Variants in STXBP5L observed in about 807,000 individuals in gnomAD.
STXBP5L encodes the protein syntaxin binding protein 5L.
In STXBP5L, 65 loss-of-function variants were observed where a neutral mutation model predicts 144.5. That is an observed-to-expected ratio of 0.45 (90% CI 0.37 to 0.55). The LOEUF (loss-of-function observed/expected upper bound fraction) is 0.55, where lower values mean the gene tolerates loss of function less well. STXBP5L is among the 20% of genes least tolerant of loss of function. STXBP5L has a pLI of 0.00. For synonymous variants in STXBP5L, 505 were observed against 469.6 expected, an observed-to-expected ratio of 1.08 and a Z score of -0.97; for missense variants, 1,298 against 1,405.5, an observed-to-expected ratio of 0.92 and a Z score of 1.22.
intron 15 of STXBP5L, among the ~76,000 whole-genome samples, chr3:121,253,099 A>G (rs2050079938): frequency 6.6e-6 from 1 of 152,166 alleles, no homozygotes; most frequent in Non-Finnish European, 1.5e-5. Flanking sequence ...GATGTCTGCA[A>G]TATCATTTTA....
intron 14 of STXBP5L, among the ~76,000 whole-genome samples, chr3:121,242,923 C>A (rs1399370589): frequency 6.6e-6 from 1 of 152,110 alleles, no homozygotes; most frequent in Non-Finnish European, 1.5e-5. Context: ...ACTTCAGAAA[C>A]CGTTTAGGAA....
At chr3:121,389,612 G>A (rs192391657) in intron 22 of STXBP5L, among the ~76,000 whole-genome samples, 5 of 152,142 alleles carry the variant, frequency 3.3e-5, no homozygotes, top group East Asian at 1.9e-4. Flanking sequence ...TTCAAAGAAC[G>A]TCTTTATTTC....
chr3:121,370,709 A>C (rs1276663394), intron 20 of STXBP5L, among the ~76,000 whole-genome samples: 2 of 152,138 alleles, frequency 1.3e-5, no homozygotes, highest in African/African-American at 4.8e-5. Context: ...ATTCATTTTC[A>C]TGCTTTTTTC....
intron 20 of STXBP5L, among the ~76,000 whole-genome samples, chr3:121,370,612 T>C (rs749677664): frequency 7.4e-4 from 113 of 152,238 alleles, no homozygotes; most frequent in Non-Finnish European, 1.6e-3. Context: ...CTATGTTGCT[T>C]CCATTCTCTC....
At chr3:121,007,997 G>A (rs1944476404) in intron 3 of STXBP5L, among the ~76,000 whole-genome samples, 1 of 151,800 alleles carries the variant, frequency 6.6e-6, no homozygotes, top group Admixed American at 6.6e-5. Flanking sequence ...TAATTCTAAG[G>A]TTGTAATAGA....
At chr3:120,960,395 C>A (rs147707277) in intron 3 of STXBP5L, among the ~76,000 whole-genome samples, 2 of 152,056 alleles carry the variant, frequency 1.3e-5, no homozygotes, top group African/African-American at 4.8e-5. Flanking sequence ...TTGACCCAGC[C>A]ATCCCATTAC....
chr3:121,062,383 C>G (rs1000423034), intron 5 of STXBP5L, among the ~76,000 whole-genome samples: 1 of 152,108 alleles, frequency 6.6e-6, no homozygotes, highest in African/African-American at 2.4e-5. Flanking sequence ...ATGGGCTTCC[C>G]TTTGTGGCTA....
chr3:121,182,226 T>C (rs1213983284), intron 9 of STXBP5L, among the ~76,000 whole-genome samples: 1 of 152,186 alleles, frequency 6.6e-6, no homozygotes, highest in African/African-American at 2.4e-5. Context: ...TACATTCTTC[T>C]CATCAGCACG....
chr3:121,094,219 G>C, intron 5 of STXBP5L, among the ~76,000 whole-genome samples: 1 of 152,156 alleles, frequency 6.6e-6, no homozygotes, highest in East Asian at 1.9e-4. Flanking sequence ...GAATAGGTGT[G>C]ATGTGGTGCT....
At chr3:121,194,153 A>T (rs1169833479) in intron 9 of STXBP5L, among the ~76,000 whole-genome samples, 1 of 152,124 alleles carries the variant, frequency 6.6e-6, no homozygotes, top group Admixed American at 6.6e-5. Flanking sequence ...ATTACTCTAA[A>T]AAGAAACCAC....
chr3:121,309,209 T>G (rs2043442471), intron 19 of STXBP5L, among the ~76,000 whole-genome samples: 2 of 152,036 alleles, frequency 1.3e-5, no homozygotes, highest in African/African-American at 4.8e-5. Context: ...ACATAGATTG[T>G]GAGACTTTTT....
At chr3:121,112,347 G>A (rs765723596) in intron 5 of STXBP5L, among the ~76,000 whole-genome samples, 9 of 152,150 alleles carry the variant, frequency 5.9e-5, no homozygotes, top group Non-Finnish European at 1.2e-4. Flanking sequence ...TGGTTTTCCT[G>A]GTGGTAGGTA....
chr3:120,956,990 G>A (rs1938108683), intron 3 of STXBP5L, among the ~76,000 whole-genome samples: 1 of 151,872 alleles, frequency 6.6e-6, no homozygotes, highest in Admixed American at 6.6e-5. Context: ...CCATTTCTGA[G>A]TGAATTTTTG....
At chr3:121,062,943 G>T (rs944914099) in intron 5 of STXBP5L, among the ~76,000 whole-genome samples, 3 of 151,998 alleles carry the variant, frequency 2.0e-5, no homozygotes, top group African/African-American at 7.3e-5. Context: ...CCTTGCATTG[G>T]GTTAAAACAT....
At chr3:120,930,674 A>T (rs1048896425) in intron 2 of STXBP5L, among the ~76,000 whole-genome samples, 4 of 152,002 alleles carry the variant, frequency 2.6e-5, no homozygotes, top group Non-Finnish European at 5.9e-5. Context: ...ATATAGTATG[A>T]CTCCAAAATG....
intron 9 of STXBP5L, among the ~76,000 whole-genome samples, chr3:121,192,285 A>G (rs1386815714): frequency 6.6e-6 from 1 of 152,204 alleles, no homozygotes; most frequent in Admixed American, 6.5e-5. Flanking sequence ...GACCTCTTCA[A>G]GGAGAACTAC....
intron 10 of STXBP5L, among the ~76,000 whole-genome samples, chr3:121,217,852 C>T (rs995125763): frequency 6.6e-6 from 1 of 151,600 alleles, no homozygotes; most frequent in Non-Finnish European, 1.5e-5. Flanking sequence ...ACAATGTATA[C>T]ATGCCTGGAC....
chr3:121,081,279 G>T (rs184980708), intron 5 of STXBP5L, among the ~76,000 whole-genome samples: 1 of 151,842 alleles, frequency 6.6e-6, no homozygotes, highest in Non-Finnish European at 1.5e-5. Flanking sequence ...ATTTCTTTGT[G>T]TTGTTTTTTA....
At chr3:121,323,386 T>G (rs2044039838) in intron 20 of STXBP5L, among the ~76,000 whole-genome samples, 1 of 152,140 alleles carries the variant, frequency 6.6e-6, no homozygotes, top group Non-Finnish European at 1.5e-5. Context: ...AGATTATAAC[T>G]CTGATTTTCT....
Sources: gnomAD v4.1 joint callset for allele counts (sites outside exome capture counted in the v4.1 genomes callset) on GRCh38, gnomAD v4.1.1 for gene constraint, MANE v1.5 for transcripts, NCBI Gene and HGNC (gene_info 2026-07-23, HGNC 2026-07-21) for gene names.